The following PRR5L variants were observed in gnomAD, a reference collection of about 807,000 sequenced individuals.
PRR5L encodes the protein proline-rich protein 5-like.
A neutral mutation model predicts 36.4 loss-of-function variants in PRR5L; 21 were observed. The observed-to-expected ratio is 0.58, with a 90% confidence interval of 0.41 to 0.83. PRR5L has a LOEUF of 0.83. Among genes scored for constraint, PRR5L ranks in the 40% least tolerant of loss-of-function variants. The pLI is 0.00. For synonymous variants in PRR5L, 188 were observed against 197.0 expected, an observed-to-expected ratio of 0.95 and a Z score of 0.38; for missense variants, 381 against 473.3, an observed-to-expected ratio of 0.80 and a Z score of 1.81.
At chr11:36,304,030 A>G (rs2133449896) in intron 1 of PRR5L, among the ~76,000 whole-genome samples, 1 of 152,224 alleles carries the variant, frequency 6.6e-6, no homozygotes, top group South Asian at 2.1e-4. Flanking sequence ...AGCTGCACTC[A>G]CTTGAAATGA....
chr11:36,319,409 G>GT (rs1856590846), intron 1 of PRR5L, among the ~76,000 whole-genome samples: 1 of 152,220 alleles, frequency 6.6e-6, no homozygotes, highest in South Asian at 2.1e-4. Context: ...CCTTGATCTA[G>GT]CGGCACCTGA....
At chr11:36,353,588 A>G (rs944550007) in intron 1 of PRR5L, among the ~76,000 whole-genome samples, 3 of 152,074 alleles carry the variant, frequency 2.0e-5, no homozygotes, top group Admixed American at 1.3e-4. Context: ...TGTGGAAACA[A>G]TTTTTCCACG....
chr11:36,445,985 T>C (rs996170081), intron 6 of PRR5L, among the ~76,000 whole-genome samples: 6 of 152,196 alleles, frequency 3.9e-5, no homozygotes, highest in African/African-American at 1.2e-4. Flanking sequence ...ATTGATCTTC[T>C]CTTTGTTTCT....
At chr11:36,421,842 C>T (rs1008997343) in intron 4 of PRR5L, among the ~76,000 whole-genome samples, 1 of 152,106 alleles carries the variant, frequency 6.6e-6, no homozygotes, top group Non-Finnish European at 1.5e-5. Context: ...GTGTCCTCTC[C>T]CCTCCTCCAG....
chr11:36,404,138 C>T (rs12801831), intron 3 of PRR5L, among the ~76,000 whole-genome samples: 34,885 of 152,034 alleles, frequency 0.23, 5,693 homozygotes, highest in African/African-American at 0.47. Context: ...AAGGCCCATC[C>T]ATGTGCATAG....
intron 1 of PRR5L, among the ~76,000 whole-genome samples, chr11:36,330,524 C>A (rs1856708086): frequency 6.6e-6 from 1 of 152,134 alleles, no homozygotes; most frequent in Non-Finnish European, 1.5e-5. Flanking sequence ...TTCCGTGGGT[C>A]TTGAGAGAGG....
chr11:36,363,898 A>G (rs1857119416), intron 1 of PRR5L, among the ~76,000 whole-genome samples: 1 of 152,206 alleles, frequency 6.6e-6, no homozygotes, highest in South Asian at 2.1e-4. Context: ...TTCAAGCTCC[A>G]TGGCCCTGTT....
intron 6 of PRR5L, among the ~76,000 whole-genome samples, chr11:36,439,027 C>T (rs1320270755): frequency 6.6e-6 from 1 of 152,126 alleles, no homozygotes; most frequent in Non-Finnish European, 1.5e-5. Context: ...TACTGAAAAA[C>T]TCTTCAAATT....
chr11:36,418,881 G>A (rs892254137), intron 3 of PRR5L, among the ~76,000 whole-genome samples: 6 of 152,136 alleles, frequency 3.9e-5, no homozygotes, highest in South Asian at 4.1e-4. Context: ...TGAAAAATGT[G>A]TTTTAAACTA....
In PRR5L at chr11:36,377,237, G is replaced by T. The variant is rs906202067; in HGVS notation, c.-125-23760G>T. Among the ~76,000 whole-genome samples the T allele has an allele frequency of 1.3e-5, 2 of 152,188 alleles. No homozygotes were observed. Among genetic ancestry groups the T allele is most frequent in the African/African-American group, 4.8e-5 (2 of 41,468 alleles). Reference sequence around the variant, plus strand: ...GGCAGGGAGCCACTTTGTCCCGTGCGCTGCTGCACGCGCGCGCTCTGCGGA... The same window carrying T: ...GGCAGGGAGCCACTTTGTCCCGTGCTCTGCTGCACGCGCGCGCTCTGCGGA... On this transcript the variant is annotated intron_variant, in intron 1 of 8. Coordinates refer to ENST00000530639, the MANE Select transcript of PRR5L (RefSeq NM_001160167.2). This position sits in a 1 kb window ranked among gnomAD's most constrained non-coding sequence, Gnocchi z 5.1.
chr11:36,329,705 C>A lies in PRR5L; in HGVS notation c.-126+33267C>A, dbSNP rs1464115288. Among the ~76,000 whole-genome samples, 3 of 152,188 alleles carry A rather than the reference C, an allele frequency of 2.0e-5. No individual in the cohort carries two copies. The East Asian group carries it at 5.8e-4, about 29-fold the overall frequency. On this transcript the variant is annotated intron_variant, in intron 1 of 8. Transcript: ENST00000530639. ...TTATTGGAACTTTTATAATGAACCT[C>A]ATATTGGACCTTTAAAAGCCTTTGA... is the stretch of plus-strand genomic sequence containing the variant.
intron 8 of PRR5L, among the ~76,000 whole-genome samples, chr11:36,451,743 T>C (rs1190909075): frequency 2.0e-5 from 3 of 152,180 alleles, no homozygotes; most frequent in African/African-American, 7.2e-5. Flanking sequence ...TGAAACCAAC[T>C]GGAAATGTCA....
Position 36,440,364 on chromosome 11 carries a change from G to C in PRR5L, c.444+2888G>C, listed in dbSNP as rs76872649. Among the ~76,000 whole-genome samples, 903 of 152,212 alleles carry C rather than the reference G, an allele frequency of 5.9e-3. 19 individuals are homozygous for C. Among genetic ancestry groups the C allele is most frequent in the East Asian group, 0.049 (253 of 5,176 alleles). On this transcript the variant is annotated intron_variant, in intron 6 of 8. Transcript: ENST00000530639. ...CACCTTTAAACACAGGAGGTACTAGGTACTGATTCAGTATGCCCTGCTGGT... is the reference window on the plus strand; with the variant it reads ...CACCTTTAAACACAGGAGGTACTAGCTACTGATTCAGTATGCCCTGCTGGT...
At chr11:36,351,339 T>C (rs1248947133) in intron 1 of PRR5L, among the ~76,000 whole-genome samples, 1 of 71,170 alleles carries the variant, frequency 1.4e-5, no homozygotes, top group Non-Finnish European at 2.4e-5. Context: ...TATATATATT[T>C]ATAATATATA....
At chr11:36,308,956 G>C (rs991512967) in intron 1 of PRR5L, among the ~76,000 whole-genome samples, 3 of 152,184 alleles carry the variant, frequency 2.0e-5, no homozygotes, top group African/African-American at 7.2e-5. Context: ...CTGCAGATCT[G>C]TAAGTGAGAA....
chr11:36,365,663 C>T (rs192315024), intron 1 of PRR5L, among the ~76,000 whole-genome samples: 12 of 152,250 alleles, frequency 7.9e-5, no homozygotes, highest in Admixed American at 7.2e-4. Context: ...TCTTGGGGAA[C>T]AGTTTGAGAA....
intron 1 of PRR5L, among the ~76,000 whole-genome samples, chr11:36,305,957 C>T (rs1856426604): frequency 6.6e-6 from 1 of 152,224 alleles, no homozygotes; most frequent in African/African-American, 2.4e-5. Context: ...GACTGAATTA[C>T]ATAAGATGTG....
chr11:36,303,430 C>T lies in PRR5L; in HGVS notation c.-126+6992C>T, dbSNP rs949141918. ...AAAAATCGAGAAGACATTATCAGAA[C>T]CATAACATCCCCTTCAACTGTGAGG... is the stretch of plus-strand genomic sequence containing the variant. On this transcript the variant is annotated intron_variant, in intron 1 of 8. Coordinates refer to ENST00000530639, the MANE Select transcript of PRR5L (RefSeq NM_001160167.2). Among the ~76,000 whole-genome samples, 134 of 152,304 alleles carry T rather than the reference C, an allele frequency of 8.8e-4. 2 individuals carry two copies. The highest frequency in any genetic ancestry group is 7.4e-5 in the Non-Finnish European group (5 of 68,024).
chr11:36,362,892 G>C (rs961263799), intron 1 of PRR5L, among the ~76,000 whole-genome samples: 1 of 152,160 alleles, frequency 6.6e-6, no homozygotes, highest in African/African-American at 2.4e-5. Flanking sequence ...CTGAGTGCTT[G>C]GGCAGCCTGC....
Sources: gnomAD v4.1 joint callset for allele counts (sites outside exome capture counted in the v4.1 genomes callset) on GRCh38, gnomAD v4.1.1 for gene constraint, Gnocchi (gnomAD v3.1) non-coding constraint, MANE v1.5 for transcripts, NCBI Gene and HGNC (gene_info 2026-07-23, HGNC 2026-07-21) for gene names.